The following PPP6C variants were observed in gnomAD, a reference collection of about 807,000 sequenced individuals.
PPP6C encodes serine/threonine-protein phosphatase 6 catalytic subunit.
In PPP6C, 11 loss-of-function variants were observed where a neutral mutation model predicts 39.8. The ratio of observed to expected loss-of-function variants is 0.28; its 90% CI spans 0.17 to 0.46. The LOEUF (loss-of-function observed/expected upper bound fraction) is 0.46, where lower values mean the gene tolerates loss of function less well. Among genes scored for constraint, PPP6C ranks in the 20% least tolerant of loss-of-function variants. PPP6C has a pLI of 1.00. For synonymous variants in PPP6C, 129 were observed against 130.3 expected, an observed-to-expected ratio of 0.99 and a Z score of 0.07; for missense variants, 211 against 373.9, an observed-to-expected ratio of 0.56 and a Z score of 3.59.
At chr9:125,182,420 T>C (rs1013879878) in intron 1 of PPP6C, among the ~76,000 whole-genome samples, 4 of 152,170 alleles carry the variant, frequency 2.6e-5, no homozygotes, top group Non-Finnish European at 5.9e-5. Context: ...GGCAAGAAGA[T>C]GGCTGGAGGC....
chr9:125,159,215 T>TC (rs1488724701), intron 3 of PPP6C, among the ~76,000 whole-genome samples: 1 of 148,630 alleles, frequency 6.7e-6, no homozygotes, highest in East Asian at 2.0e-4. Context: ...ATTTTGTATT[T>TC]TTTTTTTTTT....
chr9:125,189,373 G>A (rs952040805), intron 1 of PPP6C, among the ~76,000 whole-genome samples: 3 of 152,240 alleles, frequency 2.0e-5, no homozygotes, highest in Non-Finnish European at 4.4e-5. Context: ...TACAGCTGCG[G>A]GTCCTGGGGC....
intron 1 of PPP6C, among the ~76,000 whole-genome samples, chr9:125,177,133 G>C (rs1176082424): frequency 1.3e-5 from 2 of 152,152 alleles, no homozygotes. Context: ...CCAGCACTTT[G>C]GGGGGTCGAG....
intron 6 of PPP6C, chr9:125,150,723 G>T: frequency 1.2e-6 from 1 of 806,822 alleles, no homozygotes; most frequent in Non-Finnish European, 2.0e-6. Flanking sequence ...CCTGGGCCTG[G>T]AGCTCGGCAA....
chr9:125,178,238 A>C (rs1476585140), intron 1 of PPP6C, among the ~76,000 whole-genome samples: 1 of 152,218 alleles, frequency 6.6e-6, no homozygotes, highest in African/African-American at 2.4e-5. Flanking sequence ...CCGTCTTCCA[A>C]AGTGGCTGTA....
chr9:125,162,188 G>A (rs1490735224), intron 2 of PPP6C, among the ~76,000 whole-genome samples: 3 of 151,672 alleles, frequency 2.0e-5, no homozygotes, highest in African/African-American at 7.3e-5. Context: ...GGAACTTTGG[G>A]AGCTCACGCC....
chr9:125,187,450 A>C (rs1359196570), intron 1 of PPP6C, among the ~76,000 whole-genome samples: 1 of 151,558 alleles, frequency 6.6e-6, no homozygotes, highest in Non-Finnish European at 1.5e-5. Flanking sequence ...TGCTCGGCTA[A>C]TTTCTGTGTT....
rs190332231 is a variant in PPP6C, at chr9:125,168,028, C to A, written c.171+3057G>T. 3.9e-5 allele frequency among the ~76,000 whole-genome samples: 6 copies of A among 152,258 alleles called. No homozygotes were observed. The East Asian group carries it at 9.6e-4, about 24-fold the overall frequency. The stretch of plus-strand genomic sequence containing the variant: ...CTGGCATTTTATTTTACTGTGCAGG[C>A]ATGTTGGTGAAGAACTCAATGATAA... On this transcript the variant is annotated intron_variant, in intron 2 of 6. Coordinates refer to ENST00000373547, the MANE Select transcript of PPP6C (RefSeq NM_002721.5).
intron 2 of PPP6C, 136 bp from the exon 3 acceptor site, chr9:125,161,042 C>T: frequency 2.0e-6 from 1 of 501,716 alleles, no homozygotes; most frequent in East Asian, 3.5e-5. Context: ...AAGTGTAAGC[C>T]AAACTGCCAA....
intron 1 of PPP6C, among the ~76,000 whole-genome samples, chr9:125,172,752 A>AAACAC (rs1554722580): frequency 9.2e-6 from 1 of 108,298 alleles, no homozygotes; most frequent in Admixed American, 9.4e-5. Context: ...CACACACACA[A>AAACAC]ACACACACAC....
chr9:125,152,681 T>G (rs942752506), intron 6 of PPP6C, among the ~76,000 whole-genome samples: 1 of 151,054 alleles, frequency 6.6e-6, no homozygotes. Flanking sequence ...AAATACAAAA[T>G]TAGCCAGGCG....
chr9:125,189,628 C>A lies in PPP6C; in HGVS notation c.75+16G>T, dbSNP rs369989002. ...GCCCCACAGCCGGAAGGGGCGAGCC[C>A]GCAAATAGGGCTCACCTTCAGGTCG... On this transcript the variant is annotated intron_variant, in intron 1 of 6. Coordinates refer to ENST00000373547, the MANE Select transcript of PPP6C (RefSeq NM_002721.5). 9.9e-6 allele frequency: 16 copies of A among 1,612,578 alleles called. No homozygotes were observed. The South Asian group carries it at 1.8e-4, about 18-fold the overall frequency.
intron 1 of PPP6C, among the ~76,000 whole-genome samples, chr9:125,181,206 T>C (rs1045649407): frequency 1.3e-5 from 2 of 152,202 alleles, no homozygotes; most frequent in South Asian, 2.1e-4. Flanking sequence ...CTTGTCATCA[T>C]AGTAAAGACA....
chr9:125,167,175 G>A (rs1028495228), intron 2 of PPP6C, among the ~76,000 whole-genome samples: 1 of 151,894 alleles, frequency 6.6e-6, no homozygotes, highest in African/African-American at 2.4e-5. Flanking sequence ...GAGGCCAGGA[G>A]TTCGAGACCA....
intron 2 of PPP6C, among the ~76,000 whole-genome samples, chr9:125,169,459 A>G (rs1829094663): frequency 6.6e-6 from 1 of 152,242 alleles, no homozygotes; most frequent in South Asian, 2.1e-4. Flanking sequence ...CACATCTTAA[A>G]AAGTCTACAA....
At chr9:125,157,834 G>A (rs897060836) in intron 4 of PPP6C, among the ~76,000 whole-genome samples, 2 of 151,912 alleles carry the variant, frequency 1.3e-5, no homozygotes, top group Non-Finnish European at 2.9e-5. Context: ...GGGATTACAT[G>A]CACACACCAC....
chr9:125,168,507 G>T (rs1433620541), intron 2 of PPP6C, among the ~76,000 whole-genome samples: 1 of 152,166 alleles, frequency 6.6e-6, no homozygotes, highest in Non-Finnish European at 1.5e-5. Context: ...TGCCCAGGCT[G>T]GAGTGCAATG....
chr9:125,154,310 A>G (rs1159092829), intron 4 of PPP6C, among the ~76,000 whole-genome samples: 1 of 152,280 alleles, frequency 6.6e-6, no homozygotes, highest in African/African-American at 2.4e-5. Flanking sequence ...GCAATATGAT[A>G]TAGCCTATTG....
At chr9:125,175,160 T>A (rs1236190375) in intron 1 of PPP6C, among the ~76,000 whole-genome samples, 1 of 151,388 alleles carries the variant, frequency 6.6e-6, no homozygotes, top group Non-Finnish European at 1.5e-5. Context: ...TGAGCCAAGA[T>A]CACGCCATTG....
Sources: allele counts gnomAD v4.1 joint callset (sites outside exome capture counted in the v4.1 genomes callset), GRCh38; gene constraint gnomAD v4.1.1; transcripts MANE v1.5; gene names NCBI Gene and HGNC (gene_info 2026-07-23, HGNC 2026-07-21).